DPYD: variants seen among roughly 807,000 people sequenced by gnomAD.
The protein encoded by DPYD is dihydropyrimidine dehydrogenase, also known as dihydropyrimidine dehydrogenase [NADP(+)].
A neutral mutation model predicts 116.2 loss-of-function variants in DPYD; 109 were observed. The observed-to-expected ratio is 0.94, with a 90% confidence interval of 0.80 to 1.10. The LOEUF (loss-of-function observed/expected upper bound fraction) is 1.10, where lower values mean the gene tolerates loss of function less well. Among genes scored for constraint, DPYD ranks in the 50% least tolerant of loss-of-function variants. DPYD has a pLI of 0.00. For missense variants in DPYD, 1,302 were observed against 1,254.5 expected (o/e 1.04, Z -0.57); for synonymous variants, 440 against 432.0 (o/e 1.02, Z -0.23).
At chr1:97,140,027 T>TG (rs950785213) in intron 20 of DPYD, among the ~76,000 whole-genome samples, 11 of 151,948 alleles carry the variant, frequency 7.2e-5, no homozygotes, top group East Asian at 1.9e-4. Context: ...CTGACATTTT[T>TG]TTTTTTTTTT....
intron 13 of DPYD, among the ~76,000 whole-genome samples, chr1:97,476,755 T>C (rs149262453): frequency 0.017 from 2,589 of 152,160 alleles, 38 homozygotes; most frequent in Non-Finnish European, 0.026. Flanking sequence ...ACAGCTTATA[T>C]GTCAACTACA....
At chr1:97,706,286 G>C (rs1214214282) in intron 5 of DPYD, among the ~76,000 whole-genome samples, 1 of 151,824 alleles carries the variant, frequency 6.6e-6, no homozygotes. Flanking sequence ...TACATCATCT[G>C]GTTTCCCACC....
intron 3 of DPYD, among the ~76,000 whole-genome samples, chr1:97,800,900 A>G (rs141406630): frequency 6.6e-6 from 1 of 152,046 alleles, no homozygotes; most frequent in East Asian, 1.9e-4. Context: ...TTCCAATCTG[A>G]TAACATTTCT....
At chr1:97,899,537 C>G (rs1265538122) in intron 1 of DPYD, among the ~76,000 whole-genome samples, 1 of 151,720 alleles carries the variant, frequency 6.6e-6, no homozygotes, top group Non-Finnish European at 1.5e-5. Context: ...ATCAATTGTG[C>G]CTGGAGGTGG....
rs374733170 is a variant in DPYD, at chr1:97,666,909, A to C, written c.850+12186T>G. Reference sequence around the variant, plus strand: ...TATTTCAACTAGATTTCCACTTAAAATGTTTTTTCTTAAAACAAGAAGAAA... The same window carrying C: ...TATTTCAACTAGATTTCCACTTAAACTGTTTTTTCTTAAAACAAGAAGAAA... On this transcript the variant is annotated intron_variant, in intron 8 of 22. Coordinates refer to ENST00000370192, the MANE Select transcript of DPYD (RefSeq NM_000110.4). 7.9e-5 allele frequency among the ~76,000 whole-genome samples: 12 copies of C among 152,348 alleles called. No homozygotes were observed. The East Asian group carries it at 2.1e-3, about 27-fold the overall frequency.
intron 16 of DPYD, among the ~76,000 whole-genome samples, chr1:97,319,293 G>T (rs974288507): frequency 5.3e-5 from 8 of 151,224 alleles, no homozygotes; most frequent in Admixed American, 6.6e-5. Flanking sequence ...GAATCCAGGA[G>T]CTGGTTTTCT....
chr1:97,655,833 T>C (rs1459451431), intron 8 of DPYD, among the ~76,000 whole-genome samples: 1 of 152,168 alleles, frequency 6.6e-6, no homozygotes, highest in Non-Finnish European at 1.5e-5. Context: ...AACAGAAATA[T>C]TGACGTTAAA....
chr1:97,288,856 T>C (rs1665923588), intron 18 of DPYD, among the ~76,000 whole-genome samples: 1 of 151,360 alleles, frequency 6.6e-6, no homozygotes, highest in South Asian at 2.1e-4. Flanking sequence ...CTGAAGGAAA[T>C]AGAGACACAA....
At chr1:97,828,798 A>T (rs903175393) in intron 2 of DPYD, among the ~76,000 whole-genome samples, 2 of 151,958 alleles carry the variant, frequency 1.3e-5, no homozygotes, top group African/African-American at 4.8e-5. Context: ...AAAATCTTAA[A>T]ATTAGGTGAA....
chr1:97,874,031 T>TTTGC (rs1671784219), intron 2 of DPYD, among the ~76,000 whole-genome samples: 2 of 151,952 alleles, frequency 1.3e-5, no homozygotes, highest in African/African-American at 2.4e-5. Context: ...TGAAGTAATA[T>TTTGC]TTGCTTCATA....
intron 8 of DPYD, among the ~76,000 whole-genome samples, chr1:97,629,089 T>A (rs2100789273): frequency 6.6e-6 from 1 of 152,180 alleles, no homozygotes; most frequent in East Asian, 1.9e-4. Flanking sequence ...TTTTAATGAT[T>A]AACATTAAAA....
intron 20 of DPYD, among the ~76,000 whole-genome samples, chr1:97,148,004 T>G (rs1167703832): frequency 6.6e-6 from 1 of 152,078 alleles, no homozygotes; most frequent in Non-Finnish European, 1.5e-5. Context: ...GGGAGATAAG[T>G]GCAAGGCAAA....
intron 20 of DPYD, among the ~76,000 whole-genome samples, chr1:97,114,972 C>T (rs1651862893): frequency 6.6e-6 from 1 of 152,138 alleles, no homozygotes; most frequent in African/African-American, 2.4e-5. Context: ...ATAGGATTTA[C>T]TGCTTTTTGT....
intron 3 of DPYD, among the ~76,000 whole-genome samples, chr1:97,760,735 G>A (rs1175114278): frequency 6.6e-6 from 1 of 151,934 alleles, no homozygotes; most frequent in South Asian, 2.1e-4. Flanking sequence ...AAAGACACAG[G>A]GTAGCAAGCA....
chr1:97,565,559 C>T (rs1271514847), intron 11 of DPYD, among the ~76,000 whole-genome samples: 1 of 152,134 alleles, frequency 6.6e-6, no homozygotes, highest in East Asian at 1.9e-4. Context: ...GTTGTCTGGG[C>T]ATATGAGGTC....
At chr1:97,899,790 G>A (rs1422613400) in intron 1 of DPYD, among the ~76,000 whole-genome samples, 1 of 151,940 alleles carries the variant, frequency 6.6e-6, no homozygotes, top group African/African-American at 2.4e-5. Context: ...ATGGGACCAT[G>A]GGCTTTAAAG....
chr1:97,682,469 G>C (rs1228052362), intron 7 of DPYD, among the ~76,000 whole-genome samples: 2 of 151,912 alleles, frequency 1.3e-5, no homozygotes, highest in Non-Finnish European at 2.9e-5. Context: ...AAAAGCCTGA[G>C]GCCCCAAATA....
intron 20 of DPYD, among the ~76,000 whole-genome samples, chr1:97,117,915 T>G (rs7525018): frequency 0.34 from 51,865 of 151,952 alleles, 9,236 homozygotes; most frequent in East Asian, 0.61. Context: ...TAATCAATTT[T>G]AGTAGTTTTT....
intron 12 of DPYD, among the ~76,000 whole-genome samples, chr1:97,548,497 G>A (rs1373782453): frequency 1.3e-5 from 2 of 152,164 alleles, no homozygotes; most frequent in Admixed American, 1.3e-4. Flanking sequence ...AGCACTTTGG[G>A]AGGCTGAGGT....
Sources: gnomAD v4.1 joint callset for allele counts (sites outside exome capture counted in the v4.1 genomes callset) on GRCh38, gnomAD v4.1.1 for gene constraint, MANE v1.5 for transcripts, NCBI Gene and HGNC (gene_info 2026-07-23, HGNC 2026-07-21) for gene names.